Variants in ZNF318 observed in about 807,000 individuals in gnomAD.
ZNF318 encodes endocrine regulator.
A neutral mutation model predicts 124.2 loss-of-function variants in ZNF318; 51 were observed. The observed-to-expected ratio is 0.41, with a 90% confidence interval of 0.33 to 0.52. The LOEUF is 0.52. ZNF318 is among the 20% of genes least tolerant of loss of function. The probability of loss-of-function intolerance (pLI) is 0.23; values close to 1 mark genes in which losing one functional copy is unlikely to be tolerated. For missense variants in ZNF318, 2,815 were observed against 2,811.2 expected, an observed-to-expected ratio of 1.00 and a Z score of -0.03; for synonymous variants, 1,090 against 1,040.7, an observed-to-expected ratio of 1.05 and a Z score of -0.91.
chr6:43,365,927 T>G (rs1779754965), intron 1 of ZNF318, among the ~76,000 whole-genome samples: 2 of 152,208 alleles, frequency 1.3e-5, no homozygotes, highest in African/African-American at 4.8e-5. Flanking sequence ...TCCTAAACGG[T>G]GACCTCTCAT....
chr6:43,352,865 T>C (rs769604731), intron 4 of ZNF318, among the ~76,000 whole-genome samples: 12 of 152,252 alleles, frequency 7.9e-5, no homozygotes, highest in Non-Finnish European at 1.5e-4. Flanking sequence ...ATAGGCAGTA[T>C]GCCCAGAGTA....
chr6:43,361,228 G>GA (rs1248083087), intron 2 of ZNF318, among the ~76,000 whole-genome samples: 2 of 151,940 alleles, frequency 1.3e-5, no homozygotes, highest in South Asian at 2.1e-4. Flanking sequence ...AAATCAGAGG[G>GA]AAAAAAATCC....
intron 6 of ZNF318, among the ~76,000 whole-genome samples, chr6:43,347,070 G>A (rs1779458048): frequency 6.6e-6 from 1 of 152,218 alleles, no homozygotes; most frequent in South Asian, 2.1e-4. Flanking sequence ...TAGGGAATCA[G>A]AGAAGGATGT....
Position 43,356,102 on chromosome 6 carries a change from G to C in ZNF318, c.1232C>G (p.Pro411Arg). Residue 411 changes from proline (P) to arginine (R), a missense_variant, in exon 4 of 10, where the codon CCT becomes CGT. This residue lies in a region of ZNF318 where 1,377 missense variants were observed against 1,353.5 expected (regional missense o/e 1.02). Transcript: ENST00000361428. ...AAGGGATGGGTGCCCAGAGTAGAGA[G>C]GGTGATCCTGGCTGGAGCTGGTACT... Reference protein sequence around the residue: ...SSSTSSSQDHPLYSGHPSLPL... With the variant: ...SSSTSSSQDHRLYSGHPSLPL... 1 of 1,613,986 alleles carries C rather than the reference G, an allele frequency of 6.2e-7. No individual in the cohort carries two copies. Among genetic ancestry groups the C allele is most frequent in the Non-Finnish European group, 8.5e-7 (1 of 1,179,938 alleles).
At position 43,339,277 on chromosome 6, in the gene ZNF318, C is replaced by T. The variant is rs1394363339; in HGVS notation, c.4721G>A (p.Ser1574Asn). Residue 1574 changes from serine (S) to asparagine (N), a missense_variant, in exon 10 of 10, where the codon AGT (serine) becomes AAT (asparagine). Ser to Asn is a conservative substitution (Grantham distance 46, BLOSUM62 1). Coordinates refer to ENST00000361428, the MANE Select transcript of ZNF318 (RefSeq NM_014345.3). The surrounding 1 kb of genome is among the most constrained non-coding windows in gnomAD (Gnocchi z 4.2). ...NAKDLYDIFY[S>N]SGGKGAPETK... ...CTCAGGGGCCCCCTTTCCACCACTACTATAGAATATGTCATACAGGTCCTT... is the reference window on the plus strand; with the variant it reads ...CTCAGGGGCCCCCTTTCCACCACTATTATAGAATATGTCATACAGGTCCTT... 1 of 1,614,092 alleles carries T rather than the reference C, an allele frequency of 6.2e-7. No homozygotes were observed. Among genetic ancestry groups the T allele is most frequent in the Non-Finnish European group, 8.5e-7 (1 of 1,180,046 alleles).
intron 7 of ZNF318, 102 bp downstream of exon 7, chr6:43,342,574 T>C: frequency 7.9e-7 from 1 of 1,268,058 alleles, no homozygotes; most frequent in African/African-American, 1.5e-5. Flanking sequence ...CTCCTGCCCA[T>C]ATGAGAATGT....
intron 1 of ZNF318, among the ~76,000 whole-genome samples, chr6:43,366,228 C>T (rs1262502382): frequency 6.6e-6 from 1 of 152,058 alleles, no homozygotes; most frequent in African/African-American, 2.4e-5. Context: ...AGAACCACCT[C>T]AGTATAGAGC....
intron 4 of ZNF318, among the ~76,000 whole-genome samples, chr6:43,353,998 G>A (rs964924649): frequency 2.0e-5 from 3 of 152,112 alleles, no homozygotes; most frequent in African/African-American, 7.2e-5. Context: ...CACTCTGGGA[G>A]AGGCTGGCAG....
chr6:43,365,313 T>A lies in ZNF318; in HGVS notation c.527A>T (p.Asp176Val). The change falls in exon 2 of 10, where the codon GAT becomes GTT. Residue 176 changes from aspartate to valine, a missense_variant. Coordinates refer to ENST00000361428, the MANE Select transcript of ZNF318 (RefSeq NM_014345.3). ...CTACCTGTCCATGTCTTCCAGATTA[T>A]CCACTGGTGACCCCAGCCGATCACT... ...RLSDRLGSPV[D>V]NLEDMDRDDL... 6.2e-7 allele frequency: 1 copy of A among 1,614,148 alleles called. No individual in the cohort carries two copies. Among genetic ancestry groups the A allele is most frequent in the Non-Finnish European group, 8.5e-7 (1 of 1,179,972 alleles).
rs766889811 is a variant in ZNF318 at position 43,338,586 on chromosome 6, G to C, written c.5412C>G (p.His1804Gln). ...DEGVSTSIGP[H>Q]SIDDSNLNHG... ...GGTTCAAATTAGAATCATCTATGCT[G>C]TGGGGTCCAATGCTGGTACTTACTC... Residue 1804 changes from histidine to glutamine, a missense_variant, in exon 10 of 10, where the codon CAC becomes CAG. Around this residue, in one of 4 missense-constraint regions of ZNF318, gnomAD observed 927 missense variants for 820.6 expected, o/e 1.13. Transcript: ENST00000361428. The C allele has an allele frequency of 6.2e-7, 1 of 1,614,094 alleles. No homozygotes were observed. The highest frequency in any genetic ancestry group is 8.5e-7 in the Non-Finnish European group (1 of 1,180,010).
chr6:43,353,090 T>C (rs553328442), intron 4 of ZNF318, among the ~76,000 whole-genome samples: 2 of 152,198 alleles, frequency 1.3e-5, no homozygotes, highest in Non-Finnish European at 1.5e-5. Context: ...TAGGCCTGTA[T>C]GTGTCTATAA....
In ZNF318 at chr6:43,342,142, G is replaced by C; in HGVS notation, c.3346C>G (p.Arg1116Gly). The C allele has an allele frequency of 6.2e-7, 1 of 1,614,098 alleles. No individual in the cohort carries two copies. The highest frequency in any genetic ancestry group is 8.5e-7 in the Non-Finnish European group (1 of 1,179,960). ...QSEAKQDAIK[R>G]TDKITVPAKG... is the part of the protein sequence containing the mutation. ...GCAGGAACAGTTATCTTGTCAGTGCGCTTTATGGCATCTTGCTTGGCCTCA... is the reference window on the plus strand; with the variant it reads ...GCAGGAACAGTTATCTTGTCAGTGCCCTTTATGGCATCTTGCTTGGCCTCA... Residue 1116 changes from arginine (R) to glycine (G), a missense_variant, in exon 8 of 10, where the codon CGC becomes GGC. Physicochemically the swap from Arg to Gly is moderately radical, Grantham distance 125. Around this residue, in one of 4 missense-constraint regions of ZNF318, gnomAD observed 500 missense variants for 605.2 expected, o/e 0.83. Transcript: ENST00000361428.
At chr6:43,351,519 G>A (rs961269304) in intron 5 of ZNF318, among the ~76,000 whole-genome samples, 1 of 152,152 alleles carries the variant, frequency 6.6e-6, no homozygotes, top group Non-Finnish European at 1.5e-5. Flanking sequence ...TCAGCACTCT[G>A]GGAGGCCGAG....
rs1320620892 is a variant in ZNF318, at chr6:43,337,146, AG to A, written c.*11del. The A allele has an allele frequency of 6.5e-7, 1 of 1,550,038 alleles. No homozygotes were observed. The highest frequency in any genetic ancestry group is 8.7e-7 in the Non-Finnish European group (1 of 1,149,560). On this transcript the variant is annotated 3_prime_UTR_variant, in exon 10 of 10. Transcript: ENST00000361428. ...CAATGATTCACTCACAAGTAGCTCT[AG>A]GTATTTATTCTTAGTTGTGAACACT... is the stretch of plus-strand genomic sequence containing the variant.
chr6:43,354,827 C>T lies in ZNF318; in HGVS notation c.2507G>A (p.Arg836His), dbSNP rs966524564. 6.2e-7 allele frequency: 1 copy of T among 1,614,132 alleles called. No individual in the cohort carries two copies. The highest frequency in any genetic ancestry group is 8.5e-7 in the Non-Finnish European group (1 of 1,180,028). Reference protein sequence around the residue: ...KQATRSRPNLRVIPTVTPDKP... With the variant: ...KQATRSRPNLHVIPTVTPDKP... ...ATCAGGAGTCACAGTGGGGATCACACGAAGATTGGGACGGCTACGAGTAGC... is the reference window on the plus strand; with the variant it reads ...ATCAGGAGTCACAGTGGGGATCACATGAAGATTGGGACGGCTACGAGTAGC... The change falls in exon 4 of 10, where the codon CGT becomes CAT. Residue 836 changes from arginine (R) to histidine (H), a missense_variant. Transcript: ENST00000361428.
chr6:43,360,450 G>A (rs765635933), intron 2 of ZNF318, among the ~76,000 whole-genome samples: 12 of 152,038 alleles, frequency 7.9e-5, no homozygotes, highest in Admixed American at 1.3e-4. Flanking sequence ...GGATACTCCC[G>A]GAAAGCCTTG....
At chr6:43,349,330 TCTAAGGACA>T (rs1162619921) in intron 5 of ZNF318, among the ~76,000 whole-genome samples, 1 of 152,064 alleles carries the variant, frequency 6.6e-6, no homozygotes. Flanking sequence ...CTTTATCTGA[TCTAAGGACA>T]CTTTAACAAC....
Position 43,352,405 on chromosome 6 carries a change from G to T in ZNF318, c.2742C>A (p.Thr914=). ...ARQKKMYYLR[T]ELERLHKQQG... The stretch of plus-strand genomic sequence containing the variant: ...GTTGTTTATGAAGCCGCTCTAACTC[G>T]GTCCTAAGATAGTACATCTTCTTCT... The change falls in exon 5 of 10, where the codon ACC becomes ACA. Residue 914 remains threonine (T), a synonymous_variant. Transcript: ENST00000361428. The T allele has an allele frequency of 6.2e-7, 1 of 1,614,024 alleles. No individual in the cohort carries two copies. Among genetic ancestry groups the T allele is most frequent in the Non-Finnish European group, 8.5e-7 (1 of 1,179,976 alleles).
rs1380557522 is a variant in ZNF318 at position 43,369,062 on chromosome 6, C to T, written c.304G>A (p.Gly102Ser). The change falls in exon 1 of 10, where the codon GGC (glycine) becomes AGC (serine). Residue 102 changes from glycine to serine, a missense_variant. Coordinates refer to ENST00000361428, the MANE Select transcript of ZNF318 (RefSeq NM_014345.3). ...PPRGRRLFPPGPAGFRGSSRG... is the reference protein window; with the variant it reads ...PPRGRRLFPPSPAGFRGSSRG... ...CTGCTGCCTCTGAAGCCGGCCGGGC[C>T]CGGCGGGAAGAGTCGTCGGCCCCGC... The T allele has an allele frequency of 5.2e-6, 7 of 1,346,720 alleles. No individual in the cohort carries two copies. Among genetic ancestry groups the T allele is most frequent in the African/African-American group, 3.0e-5 (2 of 65,958 alleles). The allele number at this position is 1,346,720 out of a possible 1,614,324, so 83.4% of individuals were successfully genotyped here. A position where few individuals can be genotyped will look rare whatever the true frequency, so the allele number is the denominator to read the frequency against.
Sources: gnomAD v4.1 joint callset for allele counts (sites outside exome capture counted in the v4.1 genomes callset) on GRCh38, gnomAD v4.1.1 for gene constraint, gnomAD v4.1.1 regional missense constraint, Gnocchi (gnomAD v3.1) non-coding constraint, MANE v1.5 for transcripts, NCBI Gene and HGNC (gene_info 2026-07-23, HGNC 2026-07-21) for gene names.